Variants in WDR72 observed in about 807,000 individuals in gnomAD.
The protein encoded by WDR72 is WD repeat-containing protein 72.
Under a neutral mutation model 124.2 loss-of-function variants are expected in WDR72, and 120 were observed. That is an observed-to-expected ratio of 0.97 (90% CI 0.83 to 1.12). The LOEUF is 1.12. WDR72 is among the 50% of genes most tolerant of loss of function. WDR72 has a pLI of 0.00. For synonymous variants in WDR72, 452 were observed against 441.7 expected, an observed-to-expected ratio of 1.02 and a Z score of -0.29; for missense variants, 1,387 against 1,278.8, an observed-to-expected ratio of 1.08 and a Z score of -1.29.
At position 53,740,469 on chromosome 15, in the gene WDR72, G is replaced by A. The variant is rs376628967; in HGVS notation, c.-12-7308C>T. Among the ~76,000 whole-genome samples the A allele has an allele frequency of 5.3e-3, 800 of 152,140 alleles. 5 individuals carry two copies. The highest frequency in any genetic ancestry group is 0.021 in the South Asian group (102 of 4,810). Reference sequence around the variant, plus strand: ...ACTACAGGCGCCCACCACCGCGCCCGGCTAATTTTTTGTATTTTTAGCAGA... The same window carrying A: ...ACTACAGGCGCCCACCACCGCGCCCAGCTAATTTTTTGTATTTTTAGCAGA... On this transcript the variant is annotated intron_variant, in intron 1 of 19. Transcript: ENST00000360509.
intron 18 of WDR72, among the ~76,000 whole-genome samples, chr15:53,552,299 C>G (rs2140280980): frequency 6.6e-6 from 1 of 152,208 alleles, no homozygotes; most frequent in East Asian, 1.9e-4. Flanking sequence ...CTCATGGATG[C>G]TACATATTCT....
intron 1 of WDR72, among the ~76,000 whole-genome samples, chr15:53,749,986 C>T (rs1315016363): frequency 6.6e-6 from 1 of 152,118 alleles, no homozygotes; most frequent in Non-Finnish European, 1.5e-5. Flanking sequence ...AATGAAAGTG[C>T]AAGATGAAGC....
At chr15:53,672,549 G>A (rs3911726) in intron 13 of WDR72, among the ~76,000 whole-genome samples, 56,215 of 151,932 alleles carry the variant, frequency 0.37, 12,216 homozygotes, top group Middle Eastern at 0.61. Flanking sequence ...GTGATGTACC[G>A]GTTATGAGAT....
At chr15:53,567,182 G>T (rs1319539040) in intron 18 of WDR72, among the ~76,000 whole-genome samples, 2 of 152,006 alleles carry the variant, frequency 1.3e-5, no homozygotes, top group Middle Eastern at 3.2e-3. Context: ...TCCAACATGT[G>T]TTGGGAAATC....
chr15:53,550,669 A>G (rs567158478), intron 18 of WDR72, among the ~76,000 whole-genome samples: 23 of 152,348 alleles, frequency 1.5e-4, no homozygotes, highest in African/African-American at 5.3e-4. Context: ...AAATGGTTAG[A>G]GACTTGCTGT....
At chr15:53,698,293 G>A (rs1265571522) in intron 13 of WDR72, among the ~76,000 whole-genome samples, 1 of 152,148 alleles carries the variant, frequency 6.6e-6, no homozygotes, top group East Asian at 1.9e-4. Context: ...ATTCTTGCTG[G>A]ATTCTATCAC....
intron 14 of WDR72, among the ~76,000 whole-genome samples, chr15:53,658,583 G>A (rs1449039314): frequency 2.6e-5 from 4 of 152,086 alleles, no homozygotes; most frequent in African/African-American, 4.8e-5. Context: ...GGAGGGACAC[G>A]GAAGATAAAC....
At chr15:53,611,006 A>G (rs913295291) in intron 16 of WDR72, among the ~76,000 whole-genome samples, 1 of 152,142 alleles carries the variant, frequency 6.6e-6, no homozygotes, top group African/African-American at 2.4e-5. Flanking sequence ...AATGAGAGCC[A>G]ACTTATCTTG....
At chr15:53,549,016 C>T (rs911415497) in intron 18 of WDR72, among the ~76,000 whole-genome samples, 1 of 152,140 alleles carries the variant, frequency 6.6e-6, no homozygotes, top group African/African-American at 2.4e-5. Context: ...ATAAAGAACA[C>T]AAACATCTAG....
intron 14 of WDR72, among the ~76,000 whole-genome samples, chr15:53,639,299 T>C (rs2140408139): frequency 6.6e-6 from 1 of 152,090 alleles, no homozygotes; most frequent in Admixed American, 6.6e-5. Context: ...ACAGCCGCAG[T>C]CCCTGGAGCA....
Position 53,517,708 on chromosome 15 carries a change from C to T in WDR72, c.3300G>A (p.Lys1100=). 6.2e-7 allele frequency: 1 copy of T among 1,612,904 alleles called. No homozygotes were observed. The highest frequency in any genetic ancestry group is 8.5e-7 in the Non-Finnish European group (1 of 1,179,156). Residue 1100 remains lysine (K), a synonymous_variant, in exon 20 of 20, where the codon AAG becomes AAA. Transcript: ENST00000360509. The stretch of plus-strand genomic sequence containing the variant: ...ACTGATGAGATTCCATTTAAGACAC[C>T]TTGCAGGGGCAGACCTTTGCTATCC... The part of the protein sequence containing the change: ...HSWIAKVCPC[K]VS
Position 53,733,069 on chromosome 15 carries a change from A to G in WDR72, c.81T>C (p.Asp27=), listed in dbSNP as rs2018249319. ...TTCCAGTCACAATCGTTCGCTGGTC[A>G]TCAGTGATCATGATGGCAGTGATGC... ...PHSITAIMIT[D]DQRTIVTGSQ... Residue 27 remains aspartate, a synonymous_variant, in exon 2 of 20, where the codon GAT becomes GAC. Transcript: ENST00000360509. The G allele has an allele frequency of 6.2e-7, 1 of 1,614,074 alleles. No individual in the cohort carries two copies. The highest frequency in any genetic ancestry group is 8.5e-7 in the Non-Finnish European group (1 of 1,179,956).
chr15:53,653,862 T>C (rs553250369), intron 14 of WDR72, among the ~76,000 whole-genome samples: 6 of 152,064 alleles, frequency 3.9e-5, no homozygotes, highest in African/African-American at 1.4e-4. Context: ...AAGAAAATAA[T>C]AGAGTTCCTA....
intron 13 of WDR72, among the ~76,000 whole-genome samples, chr15:53,698,539 C>G (rs1004769827): frequency 4.6e-5 from 7 of 152,070 alleles, no homozygotes; most frequent in Non-Finnish European, 1.0e-4. Flanking sequence ...TATTATTACC[C>G]CATTTCATAG....
At chr15:53,570,598 G>C (rs1894485507) in intron 18 of WDR72, among the ~76,000 whole-genome samples, 1 of 152,120 alleles carries the variant, frequency 6.6e-6, no homozygotes, top group Non-Finnish European at 1.5e-5. Context: ...ATGTTGCCAG[G>C]TTGTGGAGAA....
rs553548596 is a variant in WDR72 at position 53,515,374 on chromosome 15, G to C, written c.*2325C>G. 21 of 152,164 alleles carry C rather than the reference G, an allele frequency of 1.4e-4. No individual in the cohort carries two copies. The highest frequency in any genetic ancestry group is 4.8e-4 in the African/African-American group (20 of 41,520). The allele number at this position is 152,164 out of a possible 1,614,324, so 9.4% of individuals were successfully genotyped here. On this transcript the variant is annotated 3_prime_UTR_variant, in exon 20 of 20. Transcript: ENST00000360509. Reference sequence around the variant, plus strand: ...TATCCAGTTAACTGTGTGGCAATTTGCTATTTCAAGTCCTCTCATAACAGA... The same window carrying C: ...TATCCAGTTAACTGTGTGGCAATTTCCTATTTCAAGTCCTCTCATAACAGA...
chr15:53,524,982 G>A (rs1892027552), intron 18 of WDR72, among the ~76,000 whole-genome samples: 1 of 151,984 alleles, frequency 6.6e-6, no homozygotes, highest in Non-Finnish European at 1.5e-5. Context: ...CTTTTCAATG[G>A]ATCTGTTCAA....
intron 17 of WDR72, among the ~76,000 whole-genome samples, chr15:53,597,522 C>T (rs2012836551): frequency 6.6e-6 from 1 of 152,006 alleles, no homozygotes; most frequent in African/African-American, 2.4e-5. Context: ...TTTTTAAAGT[C>T]CAGAATGCCA....
intron 18 of WDR72, among the ~76,000 whole-genome samples, chr15:53,537,346 T>A (rs944972718): frequency 6.6e-6 from 1 of 152,214 alleles, no homozygotes; most frequent in Non-Finnish European, 1.5e-5. Context: ...TGGTTTCTTA[T>A]AAGTGTTTCC....
Sources: allele counts gnomAD v4.1 joint callset (sites outside exome capture counted in the v4.1 genomes callset), GRCh38; gene constraint gnomAD v4.1.1; transcripts MANE v1.5; gene names NCBI Gene and HGNC (gene_info 2026-07-23, HGNC 2026-07-21).